Variants in UBXN4 observed in about 807,000 individuals in gnomAD.
UBXN4 encodes the protein UBX domain-containing protein 4.
Under a neutral mutation model 66.2 loss-of-function variants are expected in UBXN4, and 35 were observed. That is an observed-to-expected ratio of 0.53 (90% CI 0.40 to 0.70). UBXN4 has a LOEUF of 0.70. Ranked by LOEUF, UBXN4 falls within the 30% of genes least tolerant of loss-of-function variation. The probability of loss-of-function intolerance (pLI) is 0.00; values close to 1 mark genes in which losing one functional copy is unlikely to be tolerated. For synonymous variants in UBXN4, 203 were observed against 204.5 expected, an observed-to-expected ratio of 0.99 and a Z score of 0.06; for missense variants, 533 against 599.8, an observed-to-expected ratio of 0.89 and a Z score of 1.16.
chr2:135,742,487 C>G (rs1463878326), intron 1 of UBXN4: 1 of 154,032 alleles, frequency 6.5e-6, no homozygotes, highest in Admixed American at 6.5e-5. Context: ...GAGCCTCTCC[C>G]CTGCGCAGCC....
At chr2:135,750,318 C>G (rs2077233625) in intron 2 of UBXN4, among the ~76,000 whole-genome samples, 1 of 152,008 alleles carries the variant, frequency 6.6e-6, no homozygotes, top group East Asian at 1.9e-4. Context: ...GTATTCCTGT[C>G]TTTTTGATAT....
chr2:135,747,972 G>A (rs146050922), intron 1 of UBXN4: 346 of 348,688 alleles, frequency 9.9e-4, no homozygotes, highest in African/African-American at 6.8e-3. Flanking sequence ...AATAGGCACT[G>A]CACCGATGAC....
At chr2:135,743,753 A>C (rs1274776299) in intron 1 of UBXN4, among the ~76,000 whole-genome samples, 3 of 152,218 alleles carry the variant, frequency 2.0e-5, no homozygotes, top group African/African-American at 4.8e-5. Context: ...CAGTTAATTT[A>C]AAAAAAGAAA....
Position 135,772,493 on chromosome 2 carries a change from T to A in UBXN4, c.896T>A (p.Leu299Gln), listed in dbSNP as rs2077389236. 2 of 1,614,110 alleles carry A rather than the reference T, an allele frequency of 1.2e-6. No individual in the cohort carries two copies. The highest frequency in any genetic ancestry group is 8.5e-7 in the Non-Finnish European group (1 of 1,179,944). Residue 299 changes from leucine to glutamine, a missense_variant, in exon 9 of 13, where the codon CTA becomes CAA. Around this residue, in one of 2 missense-constraint regions of UBXN4, gnomAD observed 529 missense variants for 580.1 expected, o/e 0.91. Coordinates refer to ENST00000272638, the MANE Select transcript of UBXN4 (RefSeq NM_014607.4). ...GAGGCTGCCAAAGCTGCTGCCTTGC[T>A]AGCAAAACAGGCAGAAATGGAAGTC... The part of the protein sequence containing the change: ...EVEAAKAAAL[L>Q]AKQAEMEVKR...
intron 2 of UBXN4, among the ~76,000 whole-genome samples, chr2:135,751,756 G>A (rs980155740): frequency 1.3e-5 from 2 of 151,470 alleles, no homozygotes; most frequent in Admixed American, 6.6e-5. Flanking sequence ...AGGATTTTGG[G>A]TAATTTTTTT....
intron 6 of UBXN4, among the ~76,000 whole-genome samples, chr2:135,763,815 G>A (rs2077330777): frequency 6.7e-6 from 1 of 150,214 alleles, no homozygotes. Flanking sequence ...GACAGAGCAA[G>A]ACTCTGTCTC....
At chr2:135,782,325 T>C (rs562844637) in intron 12 of UBXN4, among the ~76,000 whole-genome samples, 1 of 152,238 alleles carries the variant, frequency 6.6e-6, no homozygotes, top group Non-Finnish European at 1.5e-5. Context: ...TTGAAGATTT[T>C]GCGAAGGATT....
chr2:135,767,135 C>T (rs1221176008), intron 6 of UBXN4, among the ~76,000 whole-genome samples: 5 of 151,986 alleles, frequency 3.3e-5, no homozygotes, highest in African/African-American at 7.2e-5. Flanking sequence ...CCAAGGTGGG[C>T]GGGTCACCTG....
chr2:135,782,923 C>G lies in UBXN4; in HGVS notation c.*36C>G. 2 of 1,570,798 alleles carry G rather than the reference C, an allele frequency of 1.3e-6. No individual in the cohort carries two copies. Among genetic ancestry groups the G allele is most frequent in the Non-Finnish European group, 1.7e-6 (2 of 1,157,622 alleles). On this transcript the variant is annotated 3_prime_UTR_variant, in exon 13 of 13. Coordinates refer to ENST00000272638, the MANE Select transcript of UBXN4 (RefSeq NM_014607.4). ...ATAATATGTGCAATAATCATTGTTT[C>G]TCTTATGATTTAATTCAACTAAAAT...
At chr2:135,763,643 G>A (rs1215392578) in intron 6 of UBXN4, among the ~76,000 whole-genome samples, 1 of 151,904 alleles carries the variant, frequency 6.6e-6, no homozygotes, top group Non-Finnish European at 1.5e-5. Context: ...TGGGCAACAT[G>A]GCAAAACCCC....
At chr2:135,766,604 C>T (rs976386681) in intron 6 of UBXN4, among the ~76,000 whole-genome samples, 3 of 152,136 alleles carry the variant, frequency 2.0e-5, no homozygotes, top group Non-Finnish European at 4.4e-5. Context: ...TGATCTGCTC[C>T]CTGTTCTATC....
chr2:135,757,327 G>A (rs937993008), intron 5 of UBXN4, among the ~76,000 whole-genome samples: 7 of 152,066 alleles, frequency 4.6e-5, no homozygotes, highest in African/African-American at 1.7e-4. Flanking sequence ...ACATTTTTTA[G>A]TTGTAGGATT....
chr2:135,772,589 C>A, intron 9 of UBXN4, 42 bp downstream of exon 9: 1 of 1,607,430 alleles, frequency 6.2e-7, no homozygotes, highest in South Asian at 1.1e-5. Context: ...CACATAGGGG[C>A]TGAGGAGAAT....
intron 1 of UBXN4, chr2:135,747,688 G>A (rs2077217569): frequency 2.2e-6 from 1 of 456,314 alleles, no homozygotes; most frequent in Non-Finnish European, 4.4e-6. Flanking sequence ...AGGCTGGAGT[G>A]CAGTGGTGCA....
At chr2:135,780,717 C>T (rs538314265) in intron 12 of UBXN4, among the ~76,000 whole-genome samples, 4 of 152,230 alleles carry the variant, frequency 2.6e-5, no homozygotes, top group African/African-American at 9.6e-5. Flanking sequence ...ACCATGTTTG[C>T]TTGACAAGAT....
At chr2:135,769,867 G>A (rs751249074) in intron 7 of UBXN4, 44 bp downstream of exon 7, 1 of 1,396,426 alleles carries the variant, frequency 7.2e-7, no homozygotes, top group Non-Finnish European at 9.8e-7. Flanking sequence ...CTCATTAACT[G>A]AGGTTGTGAT....
intron 6 of UBXN4, among the ~76,000 whole-genome samples, chr2:135,767,286 G>A (rs999384022): frequency 5.3e-5 from 8 of 152,096 alleles, no homozygotes; most frequent in South Asian, 4.1e-4. Context: ...ACTTGAACCC[G>A]GGAGGCAGAG....
chr2:135,744,074 C>T (rs529325955), intron 1 of UBXN4, among the ~76,000 whole-genome samples: 1 of 152,312 alleles, frequency 6.6e-6, no homozygotes, highest in South Asian at 2.1e-4. Flanking sequence ...TAGTGTCACT[C>T]TAGGAGTATG....
At chr2:135,767,784 G>A (rs1334804751) in intron 6 of UBXN4, among the ~76,000 whole-genome samples, 3 of 152,122 alleles carry the variant, frequency 2.0e-5, no homozygotes, top group East Asian at 1.9e-4. Flanking sequence ...ATGAAGAAGC[G>A]GGAATTTCTG....
Sources: gnomAD v4.1 joint callset for allele counts (sites outside exome capture counted in the v4.1 genomes callset) on GRCh38, gnomAD v4.1.1 for gene constraint, gnomAD v4.1.1 regional missense constraint, MANE v1.5 for transcripts, NCBI Gene and HGNC (gene_info 2026-07-23, HGNC 2026-07-21) for gene names.